ZC2HC1B: variants seen among roughly 807,000 people sequenced by gnomAD.
ZC2HC1B encodes the protein zinc finger C2HC domain-containing protein 1B.
A neutral mutation model predicts 31.0 loss-of-function variants in ZC2HC1B; 36 were observed. The ratio of observed to expected loss-of-function variants is 1.16; its 90% confidence interval spans 0.89 to 1.54. ZC2HC1B has a LOEUF of 1.54. ZC2HC1B is among the 40% of genes most tolerant of loss of function. The pLI, the probability that ZC2HC1B is intolerant of heterozygous loss-of-function variation, is 0.00. For synonymous variants in ZC2HC1B, 73 were observed against 88.0 expected (o/e 0.83, Z 0.95); for missense variants, 260 against 268.6 (o/e 0.97, Z 0.22).
rs117446290 is a variant in ZC2HC1B at position 143,902,889 on chromosome 6, G to A, written c.490-155G>A. Among the ~76,000 whole-genome samples the A allele has an allele frequency of 1.5e-3, 230 of 152,298 alleles. 3 individuals carry two copies. The East Asian group carries it at 0.027, about 18-fold the overall frequency. On this transcript the variant is annotated intron_variant, in intron 5 of 7. Coordinates refer to ENST00000237275, the MANE Select transcript of ZC2HC1B (RefSeq NM_001013623.3). ...CAAGAACCAGGCTAACTGAAGTGCAGGGTGTGTGTCTGTCCCCTTCCCCTG... is the reference window on the plus strand; with the variant it reads ...CAAGAACCAGGCTAACTGAAGTGCAAGGTGTGTGTCTGTCCCCTTCCCCTG...
chr6:143,901,250 C>CTTTTTTTTT (rs760366226), intron 5 of ZC2HC1B, among the ~76,000 whole-genome samples: 1 of 90,498 alleles, frequency 1.1e-5, no homozygotes, highest in Non-Finnish European at 2.1e-5. Context: ...TTCTTTCTTC[C>CTTTTTTTTT]TTTTTTTTTT....
chr6:143,871,944 T>G lies in ZC2HC1B; in HGVS notation c.28+7377T>G, dbSNP rs117105979. 0.031 allele frequency among the ~76,000 whole-genome samples: 4,773 copies of G among 152,226 alleles called. 238 individuals carry two copies. The highest frequency in any genetic ancestry group is 0.15 in the Admixed American group (2,327 of 15,286). On this transcript the variant is annotated intron_variant, in intron 1 of 7. Coordinates refer to ENST00000237275, the MANE Select transcript of ZC2HC1B (RefSeq NM_001013623.3). The surrounding 1 kb of genome is among the most constrained non-coding windows in gnomAD (Gnocchi z 4.1). The stretch of plus-strand genomic sequence containing the variant: ...TCGGACCTGAGCTGAAACTCCATTA[T>G]TACCTGACCTCCATAAGCCCGTACG...
At chr6:143,888,393 A>G (rs1469307264) in intron 4 of ZC2HC1B, among the ~76,000 whole-genome samples, 14 of 152,088 alleles carry the variant, frequency 9.2e-5, no homozygotes, top group Non-Finnish European at 1.5e-5. Flanking sequence ...TTGAGAGTCC[A>G]TATGAATTTT....
At chr6:143,894,461 T>C (rs1777639639) in intron 4 of ZC2HC1B, among the ~76,000 whole-genome samples, 1 of 152,180 alleles carries the variant, frequency 6.6e-6, no homozygotes. Flanking sequence ...GTGCATTTAG[T>C]TGTGTGTAAA....
Position 143,922,734 on chromosome 6 carries a change from A to G in ZC2HC1B, c.599-14915A>G, listed in dbSNP as rs1488818844. On this transcript the variant is annotated intron_variant, in intron 6 of 7. Coordinates refer to ENST00000237275, the MANE Select transcript of ZC2HC1B (RefSeq NM_001013623.3). This position sits in a 1 kb window ranked among gnomAD's most constrained non-coding sequence, Gnocchi z 5.0. ...TTTCTTTTTTTCAAATTTTATTCAC[A>G]TGTTTTATTCATTCATCCATTAATG... Among the ~76,000 whole-genome samples the G allele has an allele frequency of 4.6e-5, 7 of 151,932 alleles. No homozygotes were observed. Among genetic ancestry groups the G allele is most frequent in the Non-Finnish European group, 1.0e-4 (7 of 67,946 alleles).
rs1171679327 is a variant in ZC2HC1B, at chr6:143,908,712, T to A, written c.598+5560T>A. 6.6e-6 allele frequency among the ~76,000 whole-genome samples: 1 copy of A among 152,182 alleles called. No homozygotes were observed. The highest frequency in any genetic ancestry group is 1.5e-5 in the Non-Finnish European group (1 of 68,022). On this transcript the variant is annotated intron_variant, in intron 6 of 7. Transcript: ENST00000237275. The surrounding 1 kb of genome is among the most constrained non-coding windows in gnomAD (Gnocchi z 4.4). ...GGGGTTTTCTAGATATAGGATCCTG[T>A]CATCTGCAAACAAAGATAGTTTGAC... is the stretch of plus-strand genomic sequence containing the variant.
Position 143,935,781 on chromosome 6 carries a change from A to AG in ZC2HC1B, c.599-1867dup, listed in dbSNP as rs1216982821. On this transcript the variant is annotated intron_variant, in intron 6 of 7. Coordinates refer to ENST00000237275, the MANE Select transcript of ZC2HC1B (RefSeq NM_001013623.3). Reference sequence around the variant, plus strand: ...GTGACCCTCTCACCTCAGCCTCCTGAGTATATGGGATGACAGGCATGTACC... The same window carrying AG: ...GTGACCCTCTCACCTCAGCCTCCTGAGGTATATGGGATGACAGGCATGTACC... 2.7e-5 allele frequency among the ~76,000 whole-genome samples: 4 copies of AG among 147,790 alleles called. No homozygotes were observed. The East Asian group carries it at 8.0e-4, about 30-fold the overall frequency.
At chr6:143,881,869 T>C (rs1368621507) in intron 1 of ZC2HC1B, 1 of 152,194 alleles carries the variant, frequency 6.6e-6, no homozygotes, top group Non-Finnish European at 1.5e-5. Flanking sequence ...AAGTATTGAA[T>C]TGAATCATAT....
chr6:143,933,382 G>A lies in ZC2HC1B; in HGVS notation c.599-4267G>A, dbSNP rs1778143848. On this transcript the variant is annotated intron_variant, in intron 6 of 7. Transcript: ENST00000237275. The surrounding 1 kb of genome is among the most constrained non-coding windows in gnomAD (Gnocchi z 6.4). ...CAAGTATTCAGGCTTCTCAGGTGAT[G>A]GATGGGATCATAAAGCTCCCAAGAG... Among the ~76,000 whole-genome samples the A allele has an allele frequency of 6.6e-6, 1 of 152,122 alleles. No homozygotes were observed.
chr6:143,867,156 T>A (rs1777274422), intron 1 of ZC2HC1B, among the ~76,000 whole-genome samples: 1 of 152,220 alleles, frequency 6.6e-6, no homozygotes, highest in Non-Finnish European at 1.5e-5. Flanking sequence ...TGATATCTTG[T>A]TCCAAAGTCT....
intron 4 of ZC2HC1B, among the ~76,000 whole-genome samples, chr6:143,889,850 A>G (rs1158745045): frequency 3.9e-5 from 6 of 152,164 alleles, no homozygotes; most frequent in African/African-American, 1.4e-4. Flanking sequence ...ACACATAGCC[A>G]CAGCAGAAGA....
At chr6:143,936,425 A>G (rs571765484) in intron 6 of ZC2HC1B, among the ~76,000 whole-genome samples, 24 of 152,346 alleles carry the variant, frequency 1.6e-4, no homozygotes, top group South Asian at 1.2e-3. Context: ...AAATGGGTCC[A>G]AAAATATAAA....
rs2128494070 is a variant in ZC2HC1B, at chr6:143,886,892, A to C, written c.349+71A>C. Reference sequence around the variant, plus strand: ...GACCAAATCATCATGCCCTCTATGCACTCTGAAATTGACAATAACAATTAC... The same window carrying C: ...GACCAAATCATCATGCCCTCTATGCCCTCTGAAATTGACAATAACAATTAC... On this transcript the variant is annotated intron_variant, in intron 4 of 7. Transcript: ENST00000237275. This position sits in a 1 kb window ranked among gnomAD's most constrained non-coding sequence, Gnocchi z 4.2. 1.6e-6 allele frequency: 2 copies of C among 1,281,172 alleles called. No individual in the cohort carries two copies. The highest frequency in any genetic ancestry group is 3.9e-4 in the Middle Eastern group (2 of 5,092). 79.4% of individuals were successfully genotyped at this position (1,281,172 alleles called of 1,614,324 possible). A position where few individuals can be genotyped will look rare whatever the true frequency, so the allele number is the denominator to read the frequency against.
At position 143,921,751 on chromosome 6, in the gene ZC2HC1B, A is replaced by G. The variant is rs1301715766; in HGVS notation, c.599-15898A>G. Among the ~76,000 whole-genome samples the G allele has an allele frequency of 2.6e-5, 4 of 152,116 alleles. No individual in the cohort carries two copies. The highest frequency in any genetic ancestry group is 9.7e-5 in the African/African-American group (4 of 41,412). ...TCAAGACCAGCCTGGGCAACATAGC[A>G]AGACCCTGTCTCTACAAGAAAAATT... On this transcript the variant is annotated intron_variant, in intron 6 of 7. Transcript: ENST00000237275. The surrounding 1 kb of genome is among the most constrained non-coding windows in gnomAD (Gnocchi z 6.1).
At position 143,885,311 on chromosome 6, in the gene ZC2HC1B, G is replaced by C. The variant is rs1339673337; in HGVS notation, c.91-721G>C. ...GTGGCCCTGTAGTCCACCAGTGTGTGTCACTGCCTTTGCCAGACTGGAGCC... is the reference window on the plus strand; with the variant it reads ...GTGGCCCTGTAGTCCACCAGTGTGTCTCACTGCCTTTGCCAGACTGGAGCC... On this transcript the variant is annotated intron_variant, in intron 2 of 7. Coordinates refer to ENST00000237275, the MANE Select transcript of ZC2HC1B (RefSeq NM_001013623.3). This position sits in a 1 kb window ranked among gnomAD's most constrained non-coding sequence, Gnocchi z 4.2. Among the ~76,000 whole-genome samples, 1 of 152,194 alleles carries C rather than the reference G, an allele frequency of 6.6e-6. No individual in the cohort carries two copies. The highest frequency in any genetic ancestry group is 1.9e-4 in the East Asian group (1 of 5,196).
chr6:143,877,571 C>T (rs913663973), intron 1 of ZC2HC1B, among the ~76,000 whole-genome samples: 1 of 150,274 alleles, frequency 6.7e-6, no homozygotes, highest in Admixed American at 6.6e-5. Context: ...GCGTGAGCCA[C>T]TGTGCCCAGC....
intron 4 of ZC2HC1B, among the ~76,000 whole-genome samples, chr6:143,896,718 G>A (rs1777669988): frequency 6.6e-6 from 1 of 152,170 alleles, no homozygotes. Context: ...TGGGAAAATG[G>A]AAGCTTAAGG....
intron 1 of ZC2HC1B, chr6:143,881,573 A>G (rs957018930): frequency 6.6e-5 from 10 of 151,890 alleles, no homozygotes; most frequent in South Asian, 2.1e-4. Context: ...AAAAAAAAAA[A>G]AAAAGAAAAA....
At chr6:143,916,539 C>T (rs1035738371) in intron 6 of ZC2HC1B, among the ~76,000 whole-genome samples, 8 of 152,208 alleles carry the variant, frequency 5.3e-5, no homozygotes, top group Non-Finnish European at 7.4e-5. Context: ...CTGGAAAAGC[C>T]GCAGACACTC....
Sources: gnomAD v4.1 joint callset for allele counts (sites outside exome capture counted in the v4.1 genomes callset) on GRCh38, gnomAD v4.1.1 for gene constraint, Gnocchi (gnomAD v3.1) non-coding constraint, MANE v1.5 for transcripts, NCBI Gene and HGNC (gene_info 2026-07-23, HGNC 2026-07-21) for gene names.